Variants in CCDC141 observed in about 807,000 individuals in gnomAD.
CCDC141 encodes the protein coiled-coil domain containing 141, also known as coiled-coil domain-containing protein 141.
In CCDC141, 168 loss-of-function variants were observed where a neutral mutation model predicts 181.0. The observed-to-expected ratio is 0.93, with a 90% CI of 0.82 to 1.05. The LOEUF (loss-of-function observed/expected upper bound fraction) is 1.05, where lower values mean the gene tolerates loss of function less well. Among genes scored for constraint, CCDC141 ranks in the 50% least tolerant of loss-of-function variants. The pLI is 0.00. For missense variants in CCDC141, 1,902 were observed against 1,788.5 expected (o/e 1.06, Z -1.14); for synonymous variants, 666 against 642.3 (o/e 1.04, Z -0.56).
intron 8 of CCDC141, among the ~76,000 whole-genome samples, chr2:178,891,900 T>G (rs77363430): frequency 1.3e-5 from 2 of 152,208 alleles, no homozygotes; most frequent in South Asian, 2.1e-4. Context: ...ATAAATGGTG[T>G]CCTATTTATT....
At chr2:179,049,780 G>A (rs533491265) in intron 1 of CCDC141, 60 bp downstream of exon 1, 63 of 1,532,004 alleles carry the variant, frequency 4.1e-5, no homozygotes, top group Non-Finnish European at 5.2e-5. Flanking sequence ...GTTCTTTAGG[G>A]TTTTCAACAC....
downstream of CCDC141, among the ~76,000 whole-genome samples, chr2:178,828,981 C>T (rs1248856391): frequency 1.3e-5 from 2 of 151,990 alleles, no homozygotes; most frequent in Non-Finnish European, 2.9e-5. Flanking sequence ...CATTTTATTA[C>T]CTAGTTCTGG....
chr2:178,867,807 A>C (rs1685918636), intron 16 of CCDC141, among the ~76,000 whole-genome samples: 1 of 152,200 alleles, frequency 6.6e-6, no homozygotes, highest in Admixed American at 6.5e-5. Context: ...ATTTTTTTTC[A>C]TGAAAATAGA....
intron 8 of CCDC141, among the ~76,000 whole-genome samples, chr2:178,905,125 G>T (rs1306633475): frequency 6.6e-6 from 1 of 152,142 alleles, no homozygotes; most frequent in Non-Finnish European, 1.5e-5. Flanking sequence ...AAGTCTCCAG[G>T]CTCAGAATAT....
chr2:178,905,297 G>A (rs1010988665), intron 8 of CCDC141, 32 bp downstream of exon 8: 1 of 1,519,928 alleles, frequency 6.6e-7, no homozygotes, highest in Non-Finnish European at 8.8e-7. Context: ...GAAAAAGCTT[G>A]TTACACTGAG....
chr2:179,013,570 C>T (rs1415640806), intron 2 of CCDC141, among the ~76,000 whole-genome samples: 1 of 152,012 alleles, frequency 6.6e-6, no homozygotes, highest in African/African-American at 2.4e-5. Flanking sequence ...ACGCAGTTCC[C>T]ATCAAAATAC....
intron 11 of CCDC141, among the ~76,000 whole-genome samples, chr2:178,879,094 A>G: frequency 6.6e-6 from 1 of 152,228 alleles, no homozygotes; most frequent in East Asian, 1.9e-4. Flanking sequence ...TTTGCTAACC[A>G]ATGTAAGCAA....
chr2:178,933,170 A>C lies in CCDC141; in HGVS notation c.897+11365T>G, dbSNP rs148223115. Among the ~76,000 whole-genome samples, 657 of 152,312 alleles carry C rather than the reference A, an allele frequency of 4.3e-3. 2 individuals carry two copies. Among genetic ancestry groups the C allele is most frequent in the Non-Finnish European group, 7.1e-3 (485 of 68,032 alleles). ...GATACGTGAATGCTGCTATATTAAA[A>C]CATTTAAGATGATGTTTCTATACAC... On this transcript the variant is annotated intron_variant, in intron 6 of 23. Transcript: ENST00000443758.
intron 4 of CCDC141, among the ~76,000 whole-genome samples, chr2:178,965,885 T>C (rs2154379430): frequency 6.6e-6 from 1 of 152,190 alleles, no homozygotes; most frequent in Non-Finnish European, 1.5e-5. Flanking sequence ...ATTCTCACTG[T>C]CAGCACAGCA....
intron 12 of CCDC141, chr2:178,873,532 A>C (rs1405559172): frequency 6.6e-6 from 1 of 152,214 alleles, no homozygotes; most frequent in Admixed American, 6.5e-5. Context: ...ATTTAATATA[A>C]ATTTTGAAAC....
At chr2:178,965,018 G>A (rs1290226947) in intron 4 of CCDC141, among the ~76,000 whole-genome samples, 2 of 152,034 alleles carry the variant, frequency 1.3e-5, no homozygotes, top group Non-Finnish European at 2.9e-5. Context: ...CAATTATTAA[G>A]TATAAATAAC....
Position 178,888,612 on chromosome 2 carries a change from T to A in CCDC141, c.1322A>T (p.His441Leu). Residue 441 changes from histidine (H) to leucine (L), a missense_variant, in exon 9 of 24, where the codon CAT becomes CTT. His to Leu is a moderately conservative substitution (Grantham distance 99). Coordinates refer to ENST00000443758, the MANE Select transcript of CCDC141 (RefSeq NM_173648.4). ...GTGCGCTGAACACTGTTCGGTCAGA[T>A]GATCCACTCGTCTCTTAATGCACCC... The part of the protein sequence containing the change: ...MMGCIKRRVD[H>L]LTEQCSAHKE... The A allele has an allele frequency of 6.4e-7, 1 of 1,550,818 alleles. No homozygotes were observed. Among genetic ancestry groups the A allele is most frequent in the Non-Finnish European group, 8.7e-7 (1 of 1,146,930 alleles).
intron 6 of CCDC141, among the ~76,000 whole-genome samples, chr2:178,933,275 A>G (rs1689165558): frequency 6.6e-6 from 1 of 152,230 alleles, no homozygotes; most frequent in Admixed American, 6.5e-5. Flanking sequence ...ATGTCATAAT[A>G]TAAGACAACA....
intron 8 of CCDC141, among the ~76,000 whole-genome samples, chr2:178,898,972 C>G (rs1403851222): frequency 2.6e-5 from 4 of 152,130 alleles, no homozygotes; most frequent in Non-Finnish European, 1.5e-5. Flanking sequence ...ACTGACTGTG[C>G]TGTAATCATT....
chr2:178,881,915 T>TCA (rs55791403), intron 11 of CCDC141, among the ~76,000 whole-genome samples: 1,204 of 92,276 alleles, frequency 0.013, 18 homozygotes, highest in Middle Eastern at 0.022. Context: ...TCTCTCTCTC[T>TCA]CACACACACA....
intron 2 of CCDC141, among the ~76,000 whole-genome samples, chr2:178,989,517 C>G (rs1031189022): frequency 6.6e-6 from 1 of 150,606 alleles, no homozygotes; most frequent in African/African-American, 2.5e-5. Flanking sequence ...TTGCTTGAGC[C>G]CAGGAGGCAG....
At chr2:179,035,275 A>G (rs969486956) in intron 2 of CCDC141, among the ~76,000 whole-genome samples, 4 of 152,164 alleles carry the variant, frequency 2.6e-5, no homozygotes, top group African/African-American at 9.7e-5. Context: ...CATTAGGATT[A>G]TCACCCCATC....
rs571269834 is a variant in CCDC141, at chr2:179,015,463, ATC to A, written c.225+31819_225+31820del. ...TATATCTCATATATGTACCATATAT[ATC>A]TCATATATGTGCCATATATATCATA... On this transcript the variant is annotated intron_variant, in intron 2 of 23. Transcript: ENST00000443758. 3.3e-5 allele frequency among the ~76,000 whole-genome samples: 4 copies of A among 120,736 alleles called. 1 individual carries two copies. In the South Asian group the frequency reaches 8.3e-4, roughly 25 times the overall value. The allele number at this position is 120,736 out of a possible 152,430, so 79.2% of individuals were successfully genotyped here. A position where few individuals can be genotyped will look rare whatever the true frequency, so the allele number is the denominator to read the frequency against.
intron 6 of CCDC141, among the ~76,000 whole-genome samples, chr2:178,938,493 G>A (rs1689378831): frequency 6.6e-6 from 1 of 152,074 alleles, no homozygotes; most frequent in Non-Finnish European, 1.5e-5. Flanking sequence ...TCCATTTGCT[G>A]AGGATTGTTT....
Sources: gnomAD v4.1 joint callset for allele counts (sites outside exome capture counted in the v4.1 genomes callset) on GRCh38, gnomAD v4.1.1 for gene constraint, MANE v1.5 for transcripts, NCBI Gene and HGNC (gene_info 2026-07-23, HGNC 2026-07-21) for gene names.